The following EML6 variants were observed in gnomAD, a reference collection of about 807,000 sequenced individuals.
The protein encoded by EML6 is EMAP like 6, also known as echinoderm microtubule-associated protein-like 6.
In EML6, 154 loss-of-function variants were observed where a neutral mutation model predicts 240.1. The ratio of observed to expected loss-of-function variants is 0.64; its 90% CI spans 0.56 to 0.73. The LOEUF is 0.73. Ranked by LOEUF, EML6 falls within the 30% of genes least tolerant of loss-of-function variation. The pLI is 0.00. For synonymous variants in EML6, 1,148 were observed against 899.0 expected, an observed-to-expected ratio of 1.28 and a Z score of -4.95; for missense variants, 2,964 against 2,474.6, an observed-to-expected ratio of 1.20 and a Z score of -4.20.
intron 2 of EML6, among the ~76,000 whole-genome samples, chr2:54,783,023 C>T (rs1668918426): frequency 6.6e-6 from 1 of 152,148 alleles, no homozygotes; most frequent in African/African-American, 2.4e-5. Context: ...GCTGTCATTG[C>T]CCAATTAGCT....
At chr2:54,898,125 G>A (rs1672864145) in intron 21 of EML6, among the ~76,000 whole-genome samples, 1 of 151,986 alleles carries the variant, frequency 6.6e-6, no homozygotes. Context: ...CAGTCAGCTC[G>A]CAGTTGTACA....
intron 28 of EML6, among the ~76,000 whole-genome samples, chr2:54,944,310 C>T (rs1675574520): frequency 6.6e-6 from 1 of 152,186 alleles, no homozygotes; most frequent in Non-Finnish European, 1.5e-5. Flanking sequence ...CATGATACAA[C>T]CATCTGTCCA....
At chr2:54,726,264 A>G (rs1396423349) in intron 2 of EML6, among the ~76,000 whole-genome samples, 1 of 152,228 alleles carries the variant, frequency 6.6e-6, no homozygotes, top group Non-Finnish European at 1.5e-5. Context: ...TGTGTGTTTC[A>G]TTGATGTAGA....
chr2:54,870,645 T>C (rs1354464681), intron 15 of EML6, among the ~76,000 whole-genome samples: 1 of 152,238 alleles, frequency 6.6e-6, no homozygotes, highest in Non-Finnish European at 1.5e-5. Context: ...TGGTGCTTGA[T>C]TCACGTGTAT....
intron 5 of EML6, among the ~76,000 whole-genome samples, chr2:54,825,117 ACTGT>A (rs1322261634): frequency 3.3e-5 from 5 of 152,130 alleles, no homozygotes; most frequent in South Asian, 4.1e-4. Flanking sequence ...ATTTTTTGTG[ACTGT>A]CTGTCTGGAA....
intron 28 of EML6, among the ~76,000 whole-genome samples, chr2:54,939,262 T>C (rs1456660859): frequency 6.6e-6 from 1 of 152,238 alleles, no homozygotes; most frequent in East Asian, 1.9e-4. Context: ...GCATTCTCCA[T>C]CTGGCTTCTG....
At chr2:54,829,591 A>G in intron 7 of EML6, 114 bp downstream of exon 7, 2 of 742,402 alleles carry the variant, frequency 2.7e-6, no homozygotes, top group African/African-American at 1.8e-5. Context: ...ATATAAATAT[A>G]TTGAATACAA....
intron 35 of EML6, among the ~76,000 whole-genome samples, chr2:54,961,980 G>A (rs542645716): frequency 1.3e-5 from 2 of 151,432 alleles, no homozygotes; most frequent in Admixed American, 1.3e-4. Flanking sequence ...CTCCAGCCTG[G>A]GTGACAGAGT....
At chr2:54,961,839 A>G (rs1052795426) in intron 35 of EML6, among the ~76,000 whole-genome samples, 4 of 151,570 alleles carry the variant, frequency 2.6e-5, no homozygotes, top group Admixed American at 1.3e-4. Flanking sequence ...CCCCATCTCT[A>G]CTAAAAATAC....
intron 16 of EML6, among the ~76,000 whole-genome samples, chr2:54,878,469 G>A (rs1278442525): frequency 1.3e-5 from 2 of 152,234 alleles, no homozygotes; most frequent in Non-Finnish European, 2.9e-5. Context: ...AGCCTTGCAG[G>A]AAGGCAGCAA....
intron 36 of EML6, among the ~76,000 whole-genome samples, chr2:54,963,124 G>A (rs1213515007): frequency 2.0e-5 from 3 of 151,442 alleles, no homozygotes; most frequent in South Asian, 2.1e-4. Flanking sequence ...GTGGCTGGGC[G>A]GAGCGGGGTG....
intron 22 of EML6, among the ~76,000 whole-genome samples, 194 bp from the exon 23 acceptor site, chr2:54,902,850 C>T (rs1234267986): frequency 1.3e-5 from 2 of 152,332 alleles, no homozygotes; most frequent in East Asian, 1.9e-4. Context: ...GCTGGGATTA[C>T]AGGCATGAGC....
At chr2:54,951,245 A>G (rs992059154) in intron 30 of EML6, among the ~76,000 whole-genome samples, 1 of 152,232 alleles carries the variant, frequency 6.6e-6, no homozygotes, top group Non-Finnish European at 1.5e-5. Flanking sequence ...ATAAACAAAA[A>G]TACCAGGCCC....
intron 2 of EML6, among the ~76,000 whole-genome samples, chr2:54,778,891 C>CA (rs556068541): frequency 0.02 from 1,997 of 99,512 alleles, 63 homozygotes; most frequent in Middle Eastern, 0.075. Context: ...GACTCCATCT[C>CA]AAAAAAAAAA....
intron 28 of EML6, among the ~76,000 whole-genome samples, chr2:54,938,181 A>G (rs1031870021): frequency 3.3e-5 from 5 of 152,184 alleles, no homozygotes; most frequent in African/African-American, 9.7e-5. Flanking sequence ...CTTTGTCTCT[A>G]CTAAAAATAC....
At chr2:54,859,481 C>A (rs1424838996) in intron 11 of EML6, 53 bp from the exon 12 acceptor site, 1 of 1,436,390 alleles carries the variant, frequency 7.0e-7, no homozygotes, top group East Asian at 2.5e-5. Context: ...TTGTTTTAAA[C>A]TAATGAACTC....
chr2:54,843,346 T>C (rs1669562824), intron 7 of EML6, among the ~76,000 whole-genome samples: 1 of 152,072 alleles, frequency 6.6e-6, no homozygotes, highest in Admixed American at 6.6e-5. Context: ...GAGGATTACT[T>C]TGAGCCCCGG....
chr2:54,948,819 C>T (rs948676503), intron 28 of EML6, 63 bp from the exon 29 acceptor site: 31 of 1,345,088 alleles, frequency 2.3e-5, no homozygotes, highest in African/African-American at 1.6e-4. Flanking sequence ...CAGGCCACAC[C>T]GGGAAGGCAG....
intron 10 of EML6, among the ~76,000 whole-genome samples, chr2:54,851,523 CTG>C (rs1469335275): frequency 1.3e-5 from 2 of 152,204 alleles, no homozygotes; most frequent in Admixed American, 6.5e-5. Context: ...TTTGTTGAAA[CTG>C]TGGTGCAACA....
Sources: gnomAD v4.1 joint callset for allele counts (sites outside exome capture counted in the v4.1 genomes callset) on GRCh38, gnomAD v4.1.1 for gene constraint, MANE v1.5 for transcripts, NCBI Gene and HGNC (gene_info 2026-07-23, HGNC 2026-07-21) for gene names.